BSN: variants seen among roughly 807,000 people sequenced by gnomAD.
BSN encodes the protein bassoon presynaptic cytomatrix protein.
Under a neutral mutation model 264.8 loss-of-function variants are expected in BSN, and 57 were observed. The ratio of observed to expected loss-of-function variants is 0.22; its 90% confidence interval spans 0.17 to 0.27. The LOEUF is 0.27. Among genes scored for constraint, BSN ranks in the 10% least tolerant of loss-of-function variants. The pLI is 1.00. For missense variants in BSN, 4,615 were observed against 5,232.5 expected, an observed-to-expected ratio of 0.88 and a Z score of 3.64; for synonymous variants, 2,059 against 2,137.3, an observed-to-expected ratio of 0.96 and a Z score of 1.01.
rs976002423 is a variant in BSN, at chr3:49,642,977, C to T, written c.1343C>T (p.Ala448Val). The change falls in exon 3 of 12, where the codon GCA becomes GTA. Residue 448 changes from alanine (A) to valine (V), a missense_variant. Ala to Val is a moderately conservative substitution (Grantham distance 64). This residue lies in a region of BSN where 1,197 missense variants were observed against 1,348.0 expected (regional missense o/e 0.89). Transcript: ENST00000296452. This position sits in a 1 kb window ranked among gnomAD's most constrained non-coding sequence, Gnocchi z 7.0. ...PKHGRAEHQA[A>V]SKAAAKPKTM... ...CATGGCAGAGCAGAACATCAGGCAG[C>T]ATCGAAGGCTGCTGCCAAGCCAAAG... 1.2e-6 allele frequency: 2 copies of T among 1,613,952 alleles called. No individual in the cohort carries two copies. The highest frequency in any genetic ancestry group is 2.2e-5 in the East Asian group (1 of 44,892).
intron 1 of BSN, among the ~76,000 whole-genome samples, chr3:49,567,648 A>G (rs979690556): frequency 6.6e-6 from 1 of 152,238 alleles, no homozygotes; most frequent in Non-Finnish European, 1.5e-5. Context: ...ACATTCCTGT[A>G]GTCAAGCAAT....
intron 1 of BSN, among the ~76,000 whole-genome samples, chr3:49,561,971 C>G (rs1234048473): frequency 6.6e-6 from 1 of 152,092 alleles, no homozygotes; most frequent in Non-Finnish European, 1.5e-5. Flanking sequence ...CCATGCCCGT[C>G]TAATTTTTGC....
chr3:49,606,685 C>G (rs987281157), intron 1 of BSN, among the ~76,000 whole-genome samples: 18 of 152,090 alleles, frequency 1.2e-4, no homozygotes, highest in Non-Finnish European at 1.8e-4. Context: ...CCACCTCCCC[C>G]TTTTGTATTT....
At chr3:49,605,670 T>TATATATAATATATATA (rs1553661772) in intron 1 of BSN, among the ~76,000 whole-genome samples, 1 of 24,704 alleles carries the variant, frequency 4.0e-5, no homozygotes, top group Non-Finnish European at 7.4e-5. Context: ...TAATATATAT[T>TATATATAATATATATA]ACATATATGT....
rs2052613798 is a variant in BSN at position 49,657,273 on chromosome 3, G to C, written c.7717G>C (p.Glu2573Gln). ...RDACELESGT[E>Q]PCVVRRIADS... ...TGCCTGTGAGCTAGAGTCTGGGACT[G>C]AGCCCTGTGTGGTCAGGAGGATTGC... Residue 2573 changes from glutamate to glutamine, a missense_variant, in exon 5 of 12, where the codon GAG (glutamate) becomes CAG (glutamine). Transcript: ENST00000296452. 6.2e-7 allele frequency: 1 copy of C among 1,613,346 alleles called. No homozygotes were observed. The highest frequency in any genetic ancestry group is 1.3e-5 in the African/African-American group (1 of 74,952).
intron 1 of BSN, among the ~76,000 whole-genome samples, chr3:49,609,896 C>T (rs958170079): frequency 1.3e-5 from 2 of 152,158 alleles, no homozygotes; most frequent in Admixed American, 1.3e-4. Flanking sequence ...GTGTTCTATG[C>T]CCAGTGTGCC....
Position 49,625,504 on chromosome 3 carries a change from T to C in BSN, c.633+121T>C. 1 of 1,010,126 alleles carries C rather than the reference T, an allele frequency of 9.9e-7. No individual in the cohort carries two copies. The highest frequency in any genetic ancestry group is 1.3e-6 in the Non-Finnish European group (1 of 747,708). 62.6% of individuals were successfully genotyped at this position (1,010,126 alleles called of 1,614,324 possible). ...GTCATTTCCCTTGACCACCAGCATTTGTGTCCTCCTGCAGGGATGTGTCCT... is the reference window on the plus strand; with the variant it reads ...GTCATTTCCCTTGACCACCAGCATTCGTGTCCTCCTGCAGGGATGTGTCCT... On this transcript the variant is annotated intron_variant, in intron 2 of 11. Coordinates refer to ENST00000296452, the MANE Select transcript of BSN (RefSeq NM_003458.4). This position sits in a 1 kb window ranked among gnomAD's most constrained non-coding sequence, Gnocchi z 4.4.
At position 49,653,310 on chromosome 3, in the gene BSN, C is replaced by T. The variant is rs748966764; in HGVS notation, c.3754C>T (p.Leu1252=). 8 of 1,612,254 alleles carry T rather than the reference C, an allele frequency of 5.0e-6. No individual in the cohort carries two copies. The Admixed American group carries it at 5.0e-5, about 10-fold the overall frequency. ...TGCCGCAGAGGGCACGCCAGCCAGC[C>T]TGGGAGCAGCCGTGTACGAAGAAAT... ...QPAAEGTPAS[L]GAAVYEEILQ... is the part of the protein sequence containing the mutation. Residue 1252 remains leucine (L), a synonymous_variant, in exon 5 of 12, where the codon CTG becomes TTG. Transcript: ENST00000296452. This position sits in a 1 kb window ranked among gnomAD's most constrained non-coding sequence, Gnocchi z 6.3.
chr3:49,605,925 T>TA (rs377640307), intron 1 of BSN, among the ~76,000 whole-genome samples: 40,361 of 60,002 alleles, frequency 0.67, 10,570 homozygotes, highest in Middle Eastern at 0.77. Context: ...TAAATAGATA[T>TA]AAAATCTATT....
chr3:49,558,525 A>G (rs146936908), intron 1 of BSN, among the ~76,000 whole-genome samples: 1 of 152,368 alleles, frequency 6.6e-6, no homozygotes, highest in Non-Finnish European at 1.5e-5. Flanking sequence ...TTTGTCAGGC[A>G]TAGTATCTCT....
In BSN at chr3:49,655,862, C is replaced by T. The variant is rs530030417; in HGVS notation, c.6306C>T (p.Cys2102=). ...CAGCCCGTGAAATCAGTCGCATGTG[C>T]GCTGCCCTCAACTCCATGGACCAGT... ...ATTAREISRM[C]AALNSMDQYG... is the part of the protein sequence containing the mutation. The change falls in exon 5 of 12, where the codon TGC becomes TGT. Residue 2102 remains cysteine, a synonymous_variant. Transcript: ENST00000296452. 205 of 1,613,150 alleles carry T rather than the reference C, an allele frequency of 1.3e-4. 1 individual carries two copies. The South Asian group carries it at 2.0e-3, about 16-fold the overall frequency.
rs1330268072 is a variant in BSN at position 49,653,380 on chromosome 3, C to T, written c.3824C>T (p.Ser1275Leu). The T allele has an allele frequency of 4.3e-6, 7 of 1,613,556 alleles. No homozygotes were observed. The highest frequency in any genetic ancestry group is 5.9e-6 in the Non-Finnish European group (7 of 1,179,926). ...ATAGTCCGCATGCGGCAGGCCTCCT[C>T]ACGAGACCTGGCTTTTGCTGAGGAC... ...QSIVRMRQAS[S>L]RDLAFAEDKK... is the part of the protein sequence containing the mutation. Residue 1275 changes from serine (S) to leucine (L), a missense_variant, in exon 5 of 12, where the codon TCA becomes TTA. Physicochemically the swap from Ser to Leu is moderately radical, Grantham distance 145 (BLOSUM62 -2). Coordinates refer to ENST00000296452, the MANE Select transcript of BSN (RefSeq NM_003458.4). The surrounding 1 kb of genome is among the most constrained non-coding windows in gnomAD (Gnocchi z 6.3).
Position 49,625,507 on chromosome 3 carries a change from GT to G in BSN, c.633+125del. On this transcript the variant is annotated intron_variant, in intron 2 of 11. Coordinates refer to ENST00000296452, the MANE Select transcript of BSN (RefSeq NM_003458.4). This position sits in a 1 kb window ranked among gnomAD's most constrained non-coding sequence, Gnocchi z 4.4. ...ATTTCCCTTGACCACCAGCATTTGT[GT>G]CCTCCTGCAGGGATGTGTCCTGGTT... is the stretch of plus-strand genomic sequence containing the variant. The G allele has an allele frequency of 2.0e-6, 2 of 1,009,288 alleles. No individual in the cohort carries two copies. The highest frequency in any genetic ancestry group is 2.7e-6 in the Non-Finnish European group (2 of 747,256). The allele number at this position is 1,009,288 out of a possible 1,614,324, so 62.5% of individuals were successfully genotyped here.
At position 49,664,569 on chromosome 3, in the gene BSN, C is replaced by A. The variant is rs1383453553; in HGVS notation, c.11740+15C>A. On this transcript the variant is annotated intron_variant, in intron 9 of 11. Transcript: ENST00000296452. ...ACTGACGGAAGGTATGCACTGCCTG[C>A]AACTGGTCTGTGGTGGGTGGCTACT... The A allele has an allele frequency of 1.3e-6, 2 of 1,584,630 alleles. No homozygotes were observed. The highest frequency in any genetic ancestry group is 1.7e-6 in the Non-Finnish European group (2 of 1,166,168).
chr3:49,619,887 G>A (rs1410097558), intron 1 of BSN, among the ~76,000 whole-genome samples: 1 of 152,136 alleles, frequency 6.6e-6, no homozygotes, highest in African/African-American at 2.4e-5. Flanking sequence ...CCCCATTCAG[G>A]AAATAAATAT....
chr3:49,653,540 C>T lies in BSN; in HGVS notation c.3984C>T (p.Ser1328=), dbSNP rs1178539232. The T allele has an allele frequency of 6.2e-7, 1 of 1,614,018 alleles. No individual in the cohort carries two copies. Reference sequence around the variant, plus strand: ...CTGTGTCCTTCTCTACCCCCACCTCCTCAGACAGCAGCGGGGGCCGAGTTA... The same window carrying T: ...CTGTGTCCTTCTCTACCCCCACCTCTTCAGACAGCAGCGGGGGCCGAGTTA... ...AAPVSFSTPT[S]SDSSGGRVIP... The change falls in exon 5 of 12, where the codon TCC becomes TCT. Residue 1328 remains serine, a synonymous_variant. Coordinates refer to ENST00000296452, the MANE Select transcript of BSN (RefSeq NM_003458.4). The surrounding 1 kb of genome is among the most constrained non-coding windows in gnomAD (Gnocchi z 6.3).
rs767886238 is a variant in BSN at position 49,602,530 on chromosome 3, C to T, written c.225-22445C>T. On this transcript the variant is annotated intron_variant, in intron 1 of 11. Coordinates refer to ENST00000296452, the MANE Select transcript of BSN (RefSeq NM_003458.4). ...ACACTGTCTTGGCTCACTGCAACCT[C>T]CGCCTCCTGGGTTCAAGTGATTCTC... Among the ~76,000 whole-genome samples the T allele has an allele frequency of 1.8e-3, 268 of 151,912 alleles. 4 individuals carry two copies. Among genetic ancestry groups the T allele is most frequent in the Non-Finnish European group, 2.9e-4 (20 of 67,952 alleles).
At chr3:49,560,190 G>T (rs1373898488) in intron 1 of BSN, among the ~76,000 whole-genome samples, 1 of 152,080 alleles carries the variant, frequency 6.6e-6, no homozygotes, top group Non-Finnish European at 1.5e-5. Context: ...CTTATCACAG[G>T]TCCTGCATTT....
chr3:49,560,113 G>T (rs914135969), intron 1 of BSN, among the ~76,000 whole-genome samples: 1 of 152,106 alleles, frequency 6.6e-6, no homozygotes, highest in Admixed American at 6.5e-5. Flanking sequence ...CAGTGTGGGG[G>T]AGCCCTCCCT....
Sources: allele counts gnomAD v4.1 joint callset (sites outside exome capture counted in the v4.1 genomes callset), GRCh38; gene constraint gnomAD v4.1.1; regional missense constraint gnomAD v4.1.1; non-coding constraint Gnocchi (gnomAD v3.1); transcripts MANE v1.5; gene names NCBI Gene and HGNC (gene_info 2026-07-23, HGNC 2026-07-21).